Variants in SPOCD1 observed in about 807,000 individuals in gnomAD.
SPOCD1 encodes the protein SPOC domain containing 1.
In SPOCD1, 64 loss-of-function variants were observed where a neutral mutation model predicts 92.2. The ratio of observed to expected loss-of-function variants is 0.69; its 90% CI spans 0.57 to 0.86. The LOEUF is 0.86. Ranked by LOEUF, SPOCD1 falls within the 40% of genes least tolerant of loss-of-function variation. SPOCD1 has a pLI of 0.00. For synonymous variants in SPOCD1, 578 were observed against 619.3 expected, an observed-to-expected ratio of 0.93 and a Z score of 0.99; for missense variants, 1,360 against 1,543.1, an observed-to-expected ratio of 0.88 and a Z score of 1.99.
At chr1:31,815,828 G>A (rs559671061) in intron 1 of SPOCD1, 133 bp downstream of exon 1, 1 of 153,382 alleles carries the variant, frequency 6.5e-6, no homozygotes, top group African/African-American at 2.4e-5. Flanking sequence ...AACGGGGTTC[G>A]TGCCCATAAC....
At position 31,792,218 on chromosome 1, in the gene SPOCD1, G is replaced by A; in HGVS notation, c.2959C>T (p.Pro987Ser). 2 of 1,600,272 alleles carry A rather than the reference G, an allele frequency of 1.2e-6. No homozygotes were observed. The highest frequency in any genetic ancestry group is 1.1e-5 in the South Asian group (1 of 89,030). ...GGTATGGGGACTAGGCACTCACCTG[G>A]GCCCCCCAAAGGGCGCAGCCTGGTG... ...LPTRLRPLGG[P>S]GLWALPVSPL... is the part of the protein sequence containing the mutation. Residue 987 changes from proline (P) to serine (S), a missense_variant, in exon 15 of 16, where the codon CCA becomes TCA. Physicochemically the swap from Pro to Ser is moderately conservative, Grantham distance 74. Around this residue, in one of 3 missense-constraint regions of SPOCD1, gnomAD observed 614 missense variants for 757.8 expected, o/e 0.81. Transcript: ENST00000360482.
intron 15 of SPOCD1, among the ~76,000 whole-genome samples, chr1:31,791,503 C>CA (rs969418935): frequency 1.3e-4 from 20 of 152,192 alleles, no homozygotes; most frequent in African/African-American, 4.8e-4. Flanking sequence ...TCTACAGACT[C>CA]AAAGTCTACC....
Position 31,790,501 on chromosome 1 carries a change from G to T in SPOCD1, c.*102C>A. ...AACAGGAAGTTCAAACAGGGCAGGT[G>T]GGTAGGGCTGACCATCCTCTCCTTG... On this transcript the variant is annotated 3_prime_UTR_variant, in exon 16 of 16. Coordinates refer to ENST00000360482, the MANE Select transcript of SPOCD1 (RefSeq NM_144569.7). 2 of 1,039,346 alleles carry T rather than the reference G, an allele frequency of 1.9e-6. No homozygotes were observed. The highest frequency in any genetic ancestry group is 2.8e-6 in the Non-Finnish European group (2 of 716,608). 64.4% of individuals were successfully genotyped at this position (1,039,346 alleles called of 1,614,324 possible).
In SPOCD1 at chr1:31,815,361, A is replaced by T; in HGVS notation, c.-28T>A. 6 of 1,516,158 alleles carry T rather than the reference A, an allele frequency of 4.0e-6. No individual in the cohort carries two copies. The highest frequency in any genetic ancestry group is 5.3e-6 in the Non-Finnish European group (6 of 1,131,196). The allele number at this position is 1,516,158 out of a possible 1,614,324, so 93.9% of individuals were successfully genotyped here. A position where few individuals can be genotyped will look rare whatever the true frequency, so the allele number is the denominator to read the frequency against. On this transcript the variant is annotated 5_prime_UTR_variant, in exon 2 of 16. Coordinates refer to ENST00000360482, the MANE Select transcript of SPOCD1 (RefSeq NM_144569.7). ...CTGTCCACCTACCTGGGCCAAAAGC[A>T]CAACACGGGCCCTGTGTGGAGACAG...
intron 2 of SPOCD1, among the ~76,000 whole-genome samples, chr1:31,809,253 C>A (rs1375600446): frequency 6.6e-6 from 1 of 152,144 alleles, no homozygotes; most frequent in African/African-American, 2.4e-5. Context: ...ATTAAAACAA[C>A]ATTGAGACAC....
intron 2 of SPOCD1, among the ~76,000 whole-genome samples, chr1:31,803,230 G>A (rs554262717): frequency 1.2e-4 from 18 of 151,964 alleles, no homozygotes; most frequent in Non-Finnish European, 2.4e-4. Context: ...AGAAGGAGAC[G>A]AACACATGAG....
intron 10 of SPOCD1, chr1:31,794,834 A>G (rs1256005583): frequency 1.3e-5 from 2 of 152,042 alleles, no homozygotes; most frequent in African/African-American, 2.4e-5. Context: ...TTTTCTATAC[A>G]CAGGGTTTGG....
intron 10 of SPOCD1, 181 bp from the exon 11 acceptor site, chr1:31,794,416 G>A (rs533975789): frequency 5.2e-4 from 247 of 476,644 alleles, no homozygotes; most frequent in Admixed American, 9.0e-4. Flanking sequence ...AAATTAAAAA[G>A]AAAATCACTT....
intron 9 of SPOCD1, among the ~76,000 whole-genome samples, chr1:31,797,209 T>C (rs1422488082): frequency 2.0e-5 from 3 of 152,202 alleles, no homozygotes; most frequent in African/African-American, 4.8e-5. Context: ...TAAATGCTAG[T>C]TGTGAGTCTT....
intron 2 of SPOCD1, among the ~76,000 whole-genome samples, chr1:31,807,289 T>C: frequency 7.1e-6 from 1 of 140,992 alleles, no homozygotes; most frequent in African/African-American, 2.7e-5. Context: ...CTTGGGAGGC[T>C]GAGGCATGGG....
intron 3 of SPOCD1, 51 bp downstream of exon 3, chr1:31,801,613 C>A: frequency 6.3e-7 from 1 of 1,577,800 alleles, no homozygotes; most frequent in Non-Finnish European, 8.7e-7. Flanking sequence ...CCACTCCACC[C>A]CACCTGAGGC....
intron 2 of SPOCD1, 146 bp downstream of exon 2, chr1:31,813,805 C>T (rs1649356490): frequency 4.5e-6 from 3 of 662,786 alleles, no homozygotes; most frequent in African/African-American, 3.7e-5. Flanking sequence ...GTTTGTGGGC[C>T]TCATTTTACC....
In SPOCD1 at chr1:31,815,050, A is replaced by T. The variant is rs1486592225; in HGVS notation, c.284T>A (p.Met95Lys). The T allele has an allele frequency of 6.2e-7, 1 of 1,613,874 alleles. No homozygotes were observed. The highest frequency in any genetic ancestry group is 8.5e-7 in the Non-Finnish European group (1 of 1,180,020). The change falls in exon 2 of 16, where the codon ATG becomes AAG. Residue 95 changes from methionine to lysine, a missense_variant. By Grantham distance (95) the Met-to-Lys change is moderately conservative (BLOSUM62 -1). Around this residue, in one of 3 missense-constraint regions of SPOCD1, gnomAD observed 140 missense variants for 183.8 expected, o/e 0.76. Transcript: ENST00000360482. ...LLAVVQSRGS[M>K]LAPGLHMQLP... ...CTGCATGTGGAGCCCAGGAGCCAGC[A>T]TCGAGCCCCGGCTCTGTACCACAGC...
chr1:31,810,689 G>T (rs920608672), intron 2 of SPOCD1, among the ~76,000 whole-genome samples: 7 of 152,164 alleles, frequency 4.6e-5, no homozygotes, highest in Non-Finnish European at 8.8e-5. Context: ...TAAATGAGAT[G>T]ACATACTTGA....
rs139741099 is a variant in SPOCD1 at position 31,807,825 on chromosome 1, CCTTA to C, written c.1383+6122_1384-6121del. Reference sequence around the variant, plus strand: ...GAATGTATAATTACAAGTGCGCAGTCCTTAAAGATAAGAGGCTATTGTGAAATAC... The same window carrying C: ...GAATGTATAATTACAAGTGCGCAGTCAAGATAAGAGGCTATTGTGAAATAC... On this transcript the variant is annotated intron_variant, in intron 2 of 15. Transcript: ENST00000360482. 4.1e-3 allele frequency among the ~76,000 whole-genome samples: 624 copies of C among 152,142 alleles called. 3 individuals are homozygous for C. Among genetic ancestry groups the C allele is most frequent in the African/African-American group, 0.014 (596 of 41,496 alleles).
chr1:31,796,173 C>T (rs1258943615), intron 10 of SPOCD1: 2 of 287,532 alleles, frequency 7.0e-6, no homozygotes, highest in South Asian at 3.3e-5. Context: ...CCGGGTGGTT[C>T]CCTGCCTGGA....
chr1:31,793,854 G>C lies in SPOCD1; in HGVS notation c.2427C>G (p.Ala809=), dbSNP rs190194911. 60 of 1,614,140 alleles carry C rather than the reference G, an allele frequency of 3.7e-5. No individual in the cohort carries two copies. The Admixed American group carries it at 9.8e-4, about 26-fold the overall frequency. ...GGAAGATATTGTCCCCGCAGCTCTT[G>C]GCGGCTTCGAAGGAGCCTAGCAGCT... is the stretch of plus-strand genomic sequence containing the variant. ...SNELLGSFEA[A]KSCGDNIFQK... Residue 809 remains alanine (A), a synonymous_variant, in exon 12 of 16, where the codon GCC becomes GCG. Coordinates refer to ENST00000360482, the MANE Select transcript of SPOCD1 (RefSeq NM_144569.7).
chr1:31,799,268 A>C (rs760137935), intron 7 of SPOCD1, 133 bp downstream of exon 7: 3 of 761,058 alleles, frequency 3.9e-6, no homozygotes, highest in South Asian at 3.4e-5. Context: ...TGGTATGGGC[A>C]AGGGACCTGG....
intron 2 of SPOCD1, among the ~76,000 whole-genome samples, chr1:31,812,874 G>C (rs145488810): frequency 2.8e-3 from 429 of 152,336 alleles, no homozygotes; most frequent in African/African-American, 9.8e-3. Flanking sequence ...CGTGGACGTC[G>C]TGTGAAGATT....
Sources: gnomAD v4.1 joint callset for allele counts (sites outside exome capture counted in the v4.1 genomes callset) on GRCh38, gnomAD v4.1.1 for gene constraint, gnomAD v4.1.1 regional missense constraint, MANE v1.5 for transcripts, NCBI Gene and HGNC (gene_info 2026-07-23, HGNC 2026-07-21) for gene names.